Variants in CLIP4 observed in about 807,000 individuals in gnomAD.
CLIP4 encodes the protein CAP-Gly domain containing linker protein family member 4, also known as CAP-Gly domain-containing linker protein 4.
A neutral mutation model predicts 73.1 loss-of-function variants in CLIP4; 47 were observed. That is an observed-to-expected ratio of 0.64 (90% CI 0.51 to 0.82). The LOEUF (loss-of-function observed/expected upper bound fraction) is 0.82, where lower values mean the gene tolerates loss of function less well. CLIP4 is among the 40% of genes least tolerant of loss of function. The probability of loss-of-function intolerance (pLI) is 0.00; values close to 1 mark genes in which losing one functional copy is unlikely to be tolerated. For synonymous variants in CLIP4, 306 were observed against 295.4 expected, an observed-to-expected ratio of 1.04 and a Z score of -0.37; for missense variants, 874 against 852.9, an observed-to-expected ratio of 1.02 and a Z score of -0.31.
At chr2:29,178,430 C>G (rs1331204154) in intron 15 of CLIP4, among the ~76,000 whole-genome samples, 1 of 152,170 alleles carries the variant, frequency 6.6e-6, no homozygotes, top group Non-Finnish European at 1.5e-5. Flanking sequence ...ATCCACCTGC[C>G]TCAGCCTCCC....
At chr2:29,156,528 G>C in intron 10 of CLIP4, 85 bp downstream of exon 10, 2 of 1,001,794 alleles carry the variant, frequency 2.0e-6, no homozygotes, top group Non-Finnish European at 2.9e-6. Context: ...TTATATGGAG[G>C]TTAAGTTTTA....
Position 29,152,755 on chromosome 2 carries a change from T to TAA in CLIP4, c.1093_1094insAA (p.Thr365LysfsTer16). On this transcript the variant is annotated frameshift_variant, in exon 9 of 16. Coordinates refer to ENST00000320081, the MANE Select transcript of CLIP4 (RefSeq NM_024692.6). LOFTEE classifies it high-confidence loss of function. ...GGAAGAATATAACACACACTCCTTC[T>TAA]ACAAAAGCTGCTGTACCTCTCATCA... is the stretch of plus-strand genomic sequence containing the variant. 1 of 1,613,888 alleles carries TAA rather than the reference T, an allele frequency of 6.2e-7. No homozygotes were observed. The highest frequency in any genetic ancestry group is 8.5e-7 in the Non-Finnish European group (1 of 1,179,842).
chr2:29,154,492 C>T (rs1021456589), intron 9 of CLIP4, among the ~76,000 whole-genome samples: 1 of 152,204 alleles, frequency 6.6e-6, no homozygotes, highest in Non-Finnish European at 1.5e-5. Flanking sequence ...ATGGAATCCA[C>T]ATTGGTTTTT....
At chr2:29,135,836 T>C (rs911760585) in intron 6 of CLIP4, among the ~76,000 whole-genome samples, 170 bp downstream of exon 6, 2 of 152,216 alleles carry the variant, frequency 1.3e-5, no homozygotes, top group Non-Finnish European at 2.9e-5. Context: ...TAAATAAATT[T>C]AAGGCATAAT....
intron 8 of CLIP4, among the ~76,000 whole-genome samples, chr2:29,147,311 T>C (rs986945789): frequency 6.6e-6 from 1 of 152,140 alleles, no homozygotes; most frequent in African/African-American, 2.4e-5. Context: ...GGGATATTAG[T>C]GTGTCTTTTT....
At chr2:29,121,568 T>C in intron 2 of CLIP4, 47 bp downstream of exon 2, 2 of 1,598,222 alleles carry the variant, frequency 1.3e-6, no homozygotes, top group Non-Finnish European at 1.7e-6. Context: ...GTAACTTGAC[T>C]TCTCTGTTAC....
chr2:29,160,538 T>A, intron 12 of CLIP4, 71 bp downstream of exon 12: 1 of 1,525,006 alleles, frequency 6.6e-7, no homozygotes, highest in South Asian at 1.2e-5. Flanking sequence ...TACATGTAAA[T>A]AGAATTTAAT....
intron 2 of CLIP4, among the ~76,000 whole-genome samples, chr2:29,126,372 C>T (rs1465610959): frequency 6.6e-6 from 1 of 152,154 alleles, no homozygotes; most frequent in African/African-American, 2.4e-5. Flanking sequence ...AATCCTGACT[C>T]AATCACTTTC....
At chr2:29,139,340 T>G (rs1194615177) in intron 6 of CLIP4, among the ~76,000 whole-genome samples, 1 of 152,070 alleles carries the variant, frequency 6.6e-6, no homozygotes, top group Non-Finnish European at 1.5e-5. Flanking sequence ...TTGCATGACT[T>G]GATCACGGTG....
chr2:29,113,759 G>A (rs1424719334), upstream of CLIP4, among the ~76,000 whole-genome samples: 1 of 152,204 alleles, frequency 6.6e-6, no homozygotes, highest in Admixed American at 6.5e-5. The surrounding 1 kb of genome is among the most constrained non-coding windows in gnomAD (Gnocchi z 4.0). Flanking sequence ...CAATAAAAGT[G>A]AACTGTATAC....
chr2:29,146,068 CA>C (rs1666144775), intron 8 of CLIP4, among the ~76,000 whole-genome samples: 1 of 152,170 alleles, frequency 6.6e-6, no homozygotes, highest in East Asian at 1.9e-4. Context: ...GGAATTGTCT[CA>C]ATGATGTTTT....
chr2:29,168,424 A>ATT (rs1667767996), intron 14 of CLIP4, among the ~76,000 whole-genome samples: 2 of 130,100 alleles, frequency 1.5e-5, no homozygotes, highest in African/African-American at 5.9e-5. Flanking sequence ...GTCTTTTAAT[A>ATT]TTTTTATTTA....
intron 8 of CLIP4, among the ~76,000 whole-genome samples, chr2:29,150,508 A>G (rs1359259129): frequency 6.6e-6 from 1 of 152,156 alleles, no homozygotes; most frequent in African/African-American, 2.4e-5. Flanking sequence ...ACAAATCAGA[A>G]AAAGACTCCA....
chr2:29,163,390 G>A (rs1178266055), intron 12 of CLIP4, among the ~76,000 whole-genome samples: 2 of 152,004 alleles, frequency 1.3e-5, no homozygotes, highest in Non-Finnish European at 2.9e-5. Context: ...ACTGTTTGTG[G>A]TGTTCTAATG....
chr2:29,152,975 C>T, intron 9 of CLIP4, 147 bp downstream of exon 9: 2 of 884,560 alleles, frequency 2.3e-6, no homozygotes, highest in Middle Eastern at 2.8e-4. Flanking sequence ...GTTTTTAAAC[C>T]TCAATTTTAA....
chr2:29,171,452 A>G (rs147364926), intron 14 of CLIP4, among the ~76,000 whole-genome samples: 4 of 151,206 alleles, frequency 2.6e-5, no homozygotes, highest in East Asian at 3.9e-4. Flanking sequence ...TTTTCTGTCC[A>G]TTGACTTGTA....
At chr2:29,157,486 C>G in intron 11 of CLIP4, 139 bp downstream of exon 11, 1 of 1,349,166 alleles carries the variant, frequency 7.4e-7, no homozygotes, top group Non-Finnish European at 1.0e-6. Context: ...TCCCCACCTC[C>G]CCCGAACCTT....
intron 13 of CLIP4, 89 bp from the exon 14 acceptor site, chr2:29,167,387 T>C (rs988561283): frequency 1.3e-6 from 1 of 774,950 alleles, no homozygotes; most frequent in African/African-American, 1.8e-5. Flanking sequence ...GATGAATGAC[T>C]ACAATTGGTG....
At position 29,182,627 on chromosome 2, in the gene CLIP4, A is replaced by C. The variant is rs569635536; in HGVS notation, c.*734A>C. ...CTCTTTCTGCTATACAAAATGTCTA[A>C]TCTCAGATTTTTCTTCTGCTGCTTG... is the stretch of plus-strand genomic sequence containing the variant. On this transcript the variant is annotated 3_prime_UTR_variant, in exon 16 of 16. Transcript: ENST00000320081. 6.6e-6 allele frequency: 1 copy of C among 152,508 alleles called. No individual in the cohort carries two copies. Among genetic ancestry groups the C allele is most frequent in the Non-Finnish European group, 1.5e-5 (1 of 68,028 alleles). 9.4% of individuals were successfully genotyped at this position (152,508 alleles called of 1,614,324 possible). A position where few individuals can be genotyped will look rare whatever the true frequency, so the allele number is the denominator to read the frequency against.
Sources: allele counts gnomAD v4.1 joint callset (sites outside exome capture counted in the v4.1 genomes callset), GRCh38; gene constraint gnomAD v4.1.1; non-coding constraint Gnocchi (gnomAD v3.1); transcripts MANE v1.5; gene names NCBI Gene and HGNC (gene_info 2026-07-23, HGNC 2026-07-21).